Variants in QKI observed in about 807,000 individuals in gnomAD.
The protein encoded by QKI is QKI, KH domain containing RNA binding, also known as KH domain-containing RNA-binding protein QKI.
A neutral mutation model predicts 39.0 loss-of-function variants in QKI; 10 were observed. That is an observed-to-expected ratio of 0.26 (90% CI 0.16 to 0.43). QKI has a LOEUF of 0.43. Ranked by LOEUF, QKI falls within the 20% of genes least tolerant of loss-of-function variation. The probability of loss-of-function intolerance (pLI) is 1.00; values close to 1 mark genes in which losing one functional copy is unlikely to be tolerated. For synonymous variants in QKI, 204 were observed against 155.4 expected (o/e 1.31, Z -2.33); for missense variants, 218 against 428.0 (o/e 0.51, Z 4.33).
intron 3 of QKI, among the ~76,000 whole-genome samples, chr6:163,500,411 C>G (rs892608208): frequency 1.3e-5 from 2 of 152,138 alleles, no homozygotes; most frequent in South Asian, 4.1e-4. Context: ...TATTTCCATG[C>G]TGTTAGAATT....
chr6:163,431,125 T>G lies in QKI; in HGVS notation c.142+15790T>G, dbSNP rs138323007. 7.6e-4 allele frequency among the ~76,000 whole-genome samples: 116 copies of G among 152,254 alleles called. 1 individual carries two copies. In the Middle Eastern group the frequency reaches 0.037, roughly 49 times the overall value. On this transcript the variant is annotated intron_variant, in intron 1 of 7. Coordinates refer to ENST00000361752, the MANE Select transcript of QKI (RefSeq NM_006775.3). ...GAGGCAGGTTTAAACAATAATTGTT[T>G]GGGAATCTTAATTTTGAATGAGAGT...
chr6:163,451,591 C>G (rs1790561801), intron 1 of QKI, among the ~76,000 whole-genome samples: 1 of 152,172 alleles, frequency 6.6e-6, no homozygotes, highest in South Asian at 2.1e-4. Flanking sequence ...CTAAAAATTT[C>G]TCTTGATACT....
At chr6:163,505,748 G>T (rs925424963) in intron 3 of QKI, among the ~76,000 whole-genome samples, 11 of 152,110 alleles carry the variant, frequency 7.2e-5, no homozygotes, top group Non-Finnish European at 1.2e-4. Context: ...TTTCAGATGA[G>T]ACTCAGACTT....
At chr6:163,545,754 C>G in intron 4 of QKI, among the ~76,000 whole-genome samples, 1 of 151,806 alleles carries the variant, frequency 6.6e-6, no homozygotes, top group East Asian at 1.9e-4. Flanking sequence ...AAGGTTTAGA[C>G]ATCTTGTAAT....
At chr6:163,570,504 A>C in intron 7 of QKI, 190 bp from the exon 8 acceptor site, 1 of 982,280 alleles carries the variant, frequency 1.0e-6, no homozygotes, top group Non-Finnish European at 1.2e-6. Flanking sequence ...ATGATACGAA[A>C]TTGTCATGAT....
At chr6:163,550,685 G>A (rs528172501) in intron 4 of QKI, among the ~76,000 whole-genome samples, 1 of 152,212 alleles carries the variant, frequency 6.6e-6, no homozygotes, top group Non-Finnish European at 1.5e-5. Context: ...GGTGGCTGAC[G>A]CCTGTAATCC....
rs781764704 is a variant in QKI at position 163,563,734 on chromosome 6, C to T, written c.934+15C>T. 10 of 1,603,468 alleles carry T rather than the reference C, an allele frequency of 6.2e-6. No individual in the cohort carries two copies. Among genetic ancestry groups the T allele is most frequent in the Non-Finnish European group, 7.7e-6 (9 of 1,173,626 alleles). On this transcript the variant is annotated intron_variant, in intron 6 of 7. Transcript: ENST00000361752. ...TGGTGTATTAGGTAAGTTCTTCTCC[C>T]CATGGGGTTAACAACATTCTCTTTA...
At chr6:163,566,926 T>C (rs970663094) in intron 7 of QKI, 131 bp downstream of exon 7, 3 of 1,453,906 alleles carry the variant, frequency 2.1e-6, no homozygotes, top group African/African-American at 2.9e-5. Context: ...TAAATTTGTT[T>C]GTGATCATTG....
At chr6:163,541,578 A>C (rs1300208294) in intron 4 of QKI, among the ~76,000 whole-genome samples, 1 of 151,142 alleles carries the variant, frequency 6.6e-6, no homozygotes, top group African/African-American at 2.4e-5. Context: ...CATTGTAAAG[A>C]TATACACACC....
chr6:163,569,024 CT>C, intron 7 of QKI: 1 of 978,220 alleles, frequency 1.0e-6, no homozygotes, highest in Middle Eastern at 5.3e-4. Flanking sequence ...AAAACCATCA[CT>C]TACATAATTT....
chr6:163,568,591 A>AT (rs1783517378), intron 7 of QKI: 1 of 977,610 alleles, frequency 1.0e-6, no homozygotes, highest in Admixed American at 6.2e-5. Flanking sequence ...CACTTAAATT[A>AT]TTTTATGATA....
chr6:163,453,946 A>G (rs1790752902), intron 1 of QKI, among the ~76,000 whole-genome samples: 1 of 152,166 alleles, frequency 6.6e-6, no homozygotes, highest in African/African-American at 2.4e-5. Context: ...TATTTAACCG[A>G]AACTGATTTA....
At chr6:163,431,457 A>G (rs1460298855) in intron 1 of QKI, among the ~76,000 whole-genome samples, 1 of 152,196 alleles carries the variant, frequency 6.6e-6, no homozygotes, top group Non-Finnish European at 1.5e-5. Flanking sequence ...GTATATACAG[A>G]GAAATATGCT....
At chr6:163,502,504 A>G (rs112171071) in intron 3 of QKI, among the ~76,000 whole-genome samples, 1 of 152,140 alleles carries the variant, frequency 6.6e-6, no homozygotes, top group East Asian at 1.9e-4. Flanking sequence ...AGCAAGTTCA[A>G]CCTGGACCAA....
chr6:163,457,031 T>G (rs1790973455), intron 2 of QKI, among the ~76,000 whole-genome samples: 1 of 152,190 alleles, frequency 6.6e-6, no homozygotes, highest in East Asian at 1.9e-4. Context: ...GGTATTAGGA[T>G]TATTCCTAGA....
chr6:163,445,615 C>CTTTTTTT (rs771151149), intron 1 of QKI, among the ~76,000 whole-genome samples: 1 of 135,336 alleles, frequency 7.4e-6, no homozygotes. Context: ...GAGTATATGT[C>CTTTTTTT]TTTTTTTTTT....
intron 4 of QKI, among the ~76,000 whole-genome samples, chr6:163,551,696 A>T (rs1481954257): frequency 6.6e-6 from 1 of 152,228 alleles, no homozygotes; most frequent in Non-Finnish European, 1.5e-5. Flanking sequence ...GATAGCTTAG[A>T]AATCTCATGA....
intron 4 of QKI, among the ~76,000 whole-genome samples, chr6:163,561,591 G>C (rs531532858): frequency 6.6e-6 from 1 of 152,274 alleles, no homozygotes; most frequent in Non-Finnish European, 1.5e-5. Flanking sequence ...CTGGGTAACA[G>C]AGCAAGACCC....
intron 6 of QKI, 68 bp downstream of exon 6, chr6:163,563,787 A>T: frequency 6.5e-7 from 1 of 1,539,182 alleles, no homozygotes; most frequent in South Asian, 1.3e-5. Context: ...TCAGATTTTG[A>T]AATGATTTTA....
Sources: gnomAD v4.1 joint callset for allele counts (sites outside exome capture counted in the v4.1 genomes callset) on GRCh38, gnomAD v4.1.1 for gene constraint, MANE v1.5 for transcripts, NCBI Gene and HGNC (gene_info 2026-07-23, HGNC 2026-07-21) for gene names.